SDK1: variants seen among roughly 807,000 people sequenced by gnomAD.
The protein encoded by SDK1 is protein sidekick-1.
In SDK1, 157 loss-of-function variants were observed where a neutral mutation model predicts 245.5. The ratio of observed to expected loss-of-function variants is 0.64; its 90% confidence interval spans 0.56 to 0.73. SDK1 has a LOEUF of 0.73. SDK1 is among the 30% of genes least tolerant of loss of function. The pLI is 0.00. For synonymous variants in SDK1, 1,647 were observed against 1,278.5 expected (o/e 1.29, Z -6.15); for missense variants, 3,583 against 3,002.3 (o/e 1.19, Z -4.52).
chr7:3,603,113 C>T lies in SDK1; in HGVS notation c.299-15967C>T, dbSNP rs530396803. On this transcript the variant is annotated intron_variant, in intron 1 of 44. Coordinates refer to ENST00000404826, the MANE Select transcript of SDK1 (RefSeq NM_152744.4). ...TGTAGTATAGTTTGAAGTCAGGTAG[C>T]GTGATGCCTCCAGCTTTGTTCTTTT... Among the ~76,000 whole-genome samples the T allele has an allele frequency of 3.6e-3, 538 of 150,054 alleles. 4 individuals carry two copies. The highest frequency in any genetic ancestry group is 0.012 in the African/African-American group (504 of 40,636).
At chr7:3,580,892 G>A (rs1780457880) in intron 1 of SDK1, among the ~76,000 whole-genome samples, 1 of 145,098 alleles carries the variant, frequency 6.9e-6, no homozygotes, top group African/African-American at 2.6e-5. Flanking sequence ...CGCTTGAACT[G>A]AGGAGGCAGA....
At chr7:3,770,182 T>G (rs1455446143) in intron 4 of SDK1, among the ~76,000 whole-genome samples, 1 of 152,150 alleles carries the variant, frequency 6.6e-6, no homozygotes, top group Non-Finnish European at 1.5e-5. Context: ...AATTATGTCA[T>G]TTCAAGAATA....
At chr7:4,231,257 G>A (rs183528614) in intron 40 of SDK1, among the ~76,000 whole-genome samples, 4 of 152,266 alleles carry the variant, frequency 2.6e-5, no homozygotes, top group Non-Finnish European at 5.9e-5. Flanking sequence ...AGAAATGGCT[G>A]TAAATGAGAA....
intron 4 of SDK1, among the ~76,000 whole-genome samples, chr7:3,806,273 G>A (rs550180994): frequency 1.5e-4 from 22 of 143,262 alleles, no homozygotes; most frequent in Admixed American, 2.8e-4. Flanking sequence ...GTGAGGTAAC[G>A]TATCTCTAGG....
chr7:3,660,171 C>T (rs1263105402), intron 4 of SDK1, among the ~76,000 whole-genome samples: 1 of 151,962 alleles, frequency 6.6e-6, no homozygotes, highest in African/African-American at 2.4e-5. Flanking sequence ...ATTTCAGACA[C>T]AGCAAAGAAG....
chr7:3,797,828 TA>T (rs1194731761), intron 4 of SDK1, among the ~76,000 whole-genome samples: 2 of 152,208 alleles, frequency 1.3e-5, no homozygotes, highest in African/African-American at 4.8e-5. Context: ...TATTATATAT[TA>T]ATGATTTATA....
At chr7:3,616,796 T>A (rs941040388) in intron 1 of SDK1, among the ~76,000 whole-genome samples, 1 of 152,332 alleles carries the variant, frequency 6.6e-6, no homozygotes, top group Non-Finnish European at 1.5e-5. Flanking sequence ...GCAACTAGTT[T>A]CAGTGTTAAC....
Position 4,209,980 on chromosome 7 carries a change from A to C in SDK1, c.5402-45A>C, listed in dbSNP as rs201520847. On this transcript the variant is annotated intron_variant, in intron 37 of 44. Transcript: ENST00000404826. ...GCACAGACATGTATGTATATGATCT[A>C]TGTAGGAGCCCCTGTAAAAGTCACT... 73 of 1,499,944 alleles carry C rather than the reference A, an allele frequency of 4.9e-5. No individual in the cohort carries two copies. The African/African-American group carries it at 7.1e-4, about 15-fold the overall frequency. The allele number at this position is 1,499,944 out of a possible 1,614,324, so 92.9% of individuals were successfully genotyped here.
intron 28 of SDK1, among the ~76,000 whole-genome samples, chr7:4,144,581 T>C (rs1032550815): frequency 1.3e-5 from 2 of 151,988 alleles, no homozygotes; most frequent in African/African-American, 4.8e-5. Context: ...AATGCGTGGA[T>C]GAGTGACAAG....
At chr7:3,845,692 CT>C (rs773625554) in intron 5 of SDK1, among the ~76,000 whole-genome samples, 6,291 of 141,514 alleles carry the variant, frequency 0.044, 340 homozygotes, top group African/African-American at 0.13. Context: ...CGTGCTTCTC[CT>C]TTTTTTTTTT....
intron 1 of SDK1, among the ~76,000 whole-genome samples, chr7:3,314,721 T>A (rs932626338): frequency 6.6e-6 from 1 of 152,240 alleles, no homozygotes; most frequent in African/African-American, 2.4e-5. Context: ...AGTTGTGTTA[T>A]GCTTTTATAT....
At chr7:3,834,552 AG>A (rs2115078646) in intron 5 of SDK1, among the ~76,000 whole-genome samples, 1 of 152,310 alleles carries the variant, frequency 6.6e-6, no homozygotes, top group Non-Finnish European at 1.5e-5. Flanking sequence ...GATTAGGAAA[AG>A]GGGGTTGGGG....
chr7:3,310,955 T>C (rs1305756028), intron 1 of SDK1, among the ~76,000 whole-genome samples: 1 of 152,204 alleles, frequency 6.6e-6, no homozygotes, highest in African/African-American at 2.4e-5. Flanking sequence ...TAAGGTGTTT[T>C]TATCGCATTA....
intron 1 of SDK1, among the ~76,000 whole-genome samples, chr7:3,483,784 T>A (rs952489089): frequency 1.3e-5 from 2 of 152,218 alleles, no homozygotes; most frequent in African/African-American, 2.4e-5. Context: ...TTACATGATG[T>A]TTCTCCTTTA....
intron 1 of SDK1, among the ~76,000 whole-genome samples, chr7:3,498,796 T>A (rs1416125803): frequency 6.6e-6 from 1 of 151,868 alleles, no homozygotes; most frequent in East Asian, 1.9e-4. Flanking sequence ...GACTTCAGCA[T>A]GTTCTTGTAT....
chr7:4,030,737 G>C (rs1266871819), intron 17 of SDK1, among the ~76,000 whole-genome samples: 3 of 152,168 alleles, frequency 2.0e-5, no homozygotes, highest in African/African-American at 7.2e-5. Flanking sequence ...TCCATGCCTT[G>C]GCATGTTCCC....
intron 4 of SDK1, among the ~76,000 whole-genome samples, chr7:3,728,461 C>A (rs1208938093): frequency 1.3e-5 from 2 of 152,176 alleles, no homozygotes. Flanking sequence ...CTCTGTGATT[C>A]CATCACATCT....
intron 4 of SDK1, among the ~76,000 whole-genome samples, chr7:3,772,059 ATTTG>A (rs1246931716): frequency 6.6e-6 from 1 of 152,084 alleles, no homozygotes; most frequent in Admixed American, 6.5e-5. Flanking sequence ...TGTCCTCAAA[ATTTG>A]TTTGTACTGA....
At chr7:3,967,174 C>A in intron 9 of SDK1, 144 bp from the exon 10 acceptor site, 1 of 656,772 alleles carries the variant, frequency 1.5e-6, no homozygotes. Flanking sequence ...GGAGGGCTGC[C>A]GTCCCTCCTG....
Sources: gnomAD v4.1 joint callset for allele counts (sites outside exome capture counted in the v4.1 genomes callset) on GRCh38, gnomAD v4.1.1 for gene constraint, MANE v1.5 for transcripts, NCBI Gene and HGNC (gene_info 2026-07-23, HGNC 2026-07-21) for gene names.